CENPP: variants seen among roughly 807,000 people sequenced by gnomAD.
CENPP encodes the protein centromere protein P.
In CENPP, 24 loss-of-function variants were observed where a neutral mutation model predicts 35.6. The ratio of observed to expected loss-of-function variants is 0.67; its 90% CI spans 0.49 to 0.95. CENPP has a LOEUF of 0.95. Ranked by LOEUF, CENPP falls within the 40% of genes least tolerant of loss-of-function variation. The pLI, the probability that CENPP is intolerant of heterozygous loss-of-function variation, is 0.00. For synonymous variants in CENPP, 120 were observed against 125.5 expected, an observed-to-expected ratio of 0.96 and a Z score of 0.29; for missense variants, 332 against 345.3, an observed-to-expected ratio of 0.96 and a Z score of 0.31.
At chr9:92,459,605 C>A in intron 5 of CENPP, 1 of 1,607,676 alleles carries the variant, frequency 6.2e-7, no homozygotes, top group South Asian at 1.1e-5. Flanking sequence ...ATACCAATAT[C>A]TACTGAACAC....
At chr9:92,522,919 T>C in intron 5 of CENPP, 1 of 1,521,578 alleles carries the variant, frequency 6.6e-7, no homozygotes, top group Non-Finnish European at 8.7e-7. Flanking sequence ...ATTTCAAAGT[T>C]AGTGGTGACT....
intron 4 of CENPP, among the ~76,000 whole-genome samples, chr9:92,365,597 G>A (rs1047946391): frequency 1.3e-5 from 2 of 151,614 alleles, no homozygotes; most frequent in South Asian, 4.2e-4. Flanking sequence ...TCTTAGTAGA[G>A]ATGGGGTTTC....
intron 5 of CENPP, among the ~76,000 whole-genome samples, chr9:92,506,575 G>A (rs950432781): frequency 1.3e-5 from 2 of 152,172 alleles, no homozygotes; most frequent in African/African-American, 4.8e-5. Flanking sequence ...GCATTGCACC[G>A]AATGCCATGT....
At chr9:92,342,150 C>T (rs927403900) in intron 3 of CENPP, among the ~76,000 whole-genome samples, 5 of 152,330 alleles carry the variant, frequency 3.3e-5, no homozygotes, top group East Asian at 1.9e-4. Context: ...AAGAAAGCCT[C>T]GCCTGTTCTT....
At chr9:92,580,608 C>A (rs1216977223) in intron 5 of CENPP, among the ~76,000 whole-genome samples, 3 of 152,328 alleles carry the variant, frequency 2.0e-5, no homozygotes, top group African/African-American at 7.2e-5. Context: ...TTGCAGTATT[C>A]TCTGATGGTA....
chr9:92,512,418 G>A (rs1456551146), intron 5 of CENPP, among the ~76,000 whole-genome samples: 1 of 152,238 alleles, frequency 6.6e-6, no homozygotes, highest in Non-Finnish European at 1.5e-5. Flanking sequence ...GTCTGCTGGA[G>A]AGTACTGGTA....
chr9:92,552,159 CATAT>C (rs547401216), intron 5 of CENPP, among the ~76,000 whole-genome samples: 1 of 136,202 alleles, frequency 7.3e-6, no homozygotes, highest in Non-Finnish European at 1.5e-5. Context: ...ATAGATCTAT[CATAT>C]ATATGTGATA....
chr9:92,452,525 A>G (rs1203598926), intron 5 of CENPP, among the ~76,000 whole-genome samples: 1 of 152,242 alleles, frequency 6.6e-6, no homozygotes, highest in Non-Finnish European at 1.5e-5. Context: ...GGATTTTTGC[A>G]TCAAAGTTCA....
chr9:92,545,771 T>C (rs1588262094), intron 5 of CENPP, among the ~76,000 whole-genome samples: 3 of 152,354 alleles, frequency 2.0e-5, no homozygotes, highest in South Asian at 4.1e-4. Flanking sequence ...TAAGGGATTG[T>C]AGATATACCA....
intron 5 of CENPP, chr9:92,417,599 T>C: frequency 7.8e-7 from 1 of 1,281,912 alleles, no homozygotes; most frequent in Non-Finnish European, 1.1e-6. Flanking sequence ...AAAGGAAACA[T>C]TGTGGAGAAA....
intron 4 of CENPP, among the ~76,000 whole-genome samples, chr9:92,372,524 A>C (rs929496816): frequency 6.6e-6 from 1 of 152,000 alleles, no homozygotes; most frequent in Admixed American, 6.6e-5. Context: ...TGTTTTCTTT[A>C]CCAGTGAGTT....
At position 92,614,658 on chromosome 9, in the gene CENPP, A is replaced by G. The variant is rs1253480386; in HGVS notation, c.*1509A>G. Reference sequence around the variant, plus strand: ...TCCTTATTTCTCATGTATCATTTTCATATAATTCCATGGTTTCACTAATAT... The same window carrying G: ...TCCTTATTTCTCATGTATCATTTTCGTATAATTCCATGGTTTCACTAATAT... On this transcript the variant is annotated 3_prime_UTR_variant, in exon 8 of 8. Transcript: ENST00000375587. 2 of 152,662 alleles carry G rather than the reference A, an allele frequency of 1.3e-5. No homozygotes were observed. The highest frequency in any genetic ancestry group is 2.9e-5 in the Non-Finnish European group (2 of 68,052). 9.5% of individuals were successfully genotyped at this position (152,662 alleles called of 1,614,324 possible).
rs10569730 is a variant in CENPP, at chr9:92,374,241, C to CTGTGTGTG, written c.468-5488_468-5481dup. On this transcript the variant is annotated intron_variant, in intron 4 of 7. Transcript: ENST00000375587. ...TTTACTTCTGCTGTTTTGCTGTTTG[C>CTGTGTGTG]TGTGTGTGTGTGTGTGTGTGTGTGT... Among the ~76,000 whole-genome samples the CTGTGTGTG allele has an allele frequency of 9.7e-3, 1,385 of 142,830 alleles. 9 individuals are homozygous for CTGTGTGTG. The highest frequency in any genetic ancestry group is 0.012 in the Admixed American group (174 of 14,216). The allele number at this position is 142,830 out of a possible 152,430, so 93.7% of individuals were successfully genotyped here. A position where few individuals can be genotyped will look rare whatever the true frequency, so the allele number is the denominator to read the frequency against.
chr9:92,396,008 G>A (rs1395721844), intron 5 of CENPP, among the ~76,000 whole-genome samples: 2 of 152,040 alleles, frequency 1.3e-5, no homozygotes, highest in African/African-American at 4.8e-5. Flanking sequence ...ACCTTTAGGT[G>A]TGGGGTATAC....
chr9:92,545,730 A>G (rs1374987771), intron 5 of CENPP, among the ~76,000 whole-genome samples: 1 of 152,180 alleles, frequency 6.6e-6, no homozygotes, highest in African/African-American at 2.4e-5. Context: ...TCTTGAGTCT[A>G]GTGGGGATTT....
rs957465974 is a variant in CENPP, at chr9:92,326,032, C to G, written c.34C>G (p.Gln12Glu). 39 of 1,559,140 alleles carry G rather than the reference C, an allele frequency of 2.5e-5. No homozygotes were observed. The highest frequency in any genetic ancestry group is 3.2e-5 in the Non-Finnish European group (37 of 1,152,408). Residue 12 changes from glutamine (Q) to glutamate (E), a missense_variant, in exon 1 of 8, where the codon CAA becomes GAA. Coordinates refer to ENST00000375587, the MANE Select transcript of CENPP (RefSeq NM_001012267.3). ...DAELAEVRAL[Q>E]AEIAALRRAC... is the part of the protein sequence containing the mutation. ...AGAGCTGGCAGAGGTGCGCGCCTTG[C>G]AAGCTGAGATCGCGGCCCTGCGGCG...
At chr9:92,329,569 C>T (rs1840676554) in intron 1 of CENPP, among the ~76,000 whole-genome samples, 1 of 152,034 alleles carries the variant, frequency 6.6e-6, no homozygotes, top group Non-Finnish European at 1.5e-5. Context: ...GGGTCTCACT[C>T]TGTTGCCCAT....
intron 5 of CENPP, among the ~76,000 whole-genome samples, chr9:92,605,146 A>G (rs965659945): frequency 2.0e-5 from 3 of 151,730 alleles, no homozygotes; most frequent in Admixed American, 1.3e-4. Context: ...ACACCTGGCT[A>G]ATTTTTATAT....
chr9:92,545,862 C>T lies in CENPP; in HGVS notation c.565-65452C>T, dbSNP rs369722152. On this transcript the variant is annotated intron_variant, in intron 5 of 7. Transcript: ENST00000375587. ...TCTAGCTCAAGGTTTGGTAAATGCA[C>T]CAATCAGTGTTCTGTGTCTAGCTGA... Among the ~76,000 whole-genome samples the T allele has an allele frequency of 8.5e-5, 13 of 152,268 alleles. No homozygotes were observed. In the East Asian group the frequency reaches 1.5e-3, roughly 18 times the overall value.
Sources: gnomAD v4.1 joint callset for allele counts (sites outside exome capture counted in the v4.1 genomes callset) on GRCh38, gnomAD v4.1.1 for gene constraint, MANE v1.5 for transcripts, NCBI Gene and HGNC (gene_info 2026-07-23, HGNC 2026-07-21) for gene names.